The following LRTM3 variants were observed in gnomAD, a reference collection of about 807,000 sequenced individuals.
LRTM3 encodes leucine rich repeat transmembrane protein 3.
the LRTM3 span, chr13:102,732,674 G>A: frequency 2.3e-5 from 35 of 1,551,068 alleles, no homozygotes; most frequent in East Asian, 4.9e-5. Context: ...TAGAAGATGC[G>A]GGTGTGCACT....
the LRTM3 span, chr13:102,742,306 A>G: frequency 1.9e-6 from 3 of 1,549,934 alleles, no homozygotes; most frequent in Non-Finnish European, 2.6e-6. Context: ...TATGCATAGT[A>G]CTTTCCACAT....
chr13:102,755,352 T>C, the LRTM3 span, among the ~76,000 whole-genome samples: 1 of 152,142 alleles, frequency 6.6e-6, no homozygotes, highest in Non-Finnish European at 1.5e-5. Context: ...AAATAATTTA[T>C]TAAGATGCTG....
the LRTM3 span, chr13:102,747,702 C>T: frequency 2.3e-4 from 364 of 1,551,046 alleles, no homozygotes; most frequent in East Asian, 6.1e-4. Flanking sequence ...TTTGGATCTC[C>T]GGCACTCTCT....
the LRTM3 span, chr13:102,743,573 T>C: frequency 6.4e-4 from 991 of 1,549,812 alleles, 2 homozygotes; most frequent in Non-Finnish European, 8.4e-4. Context: ...TGTGTTTATC[T>C]GGTTTTTAGA....
At chr13:102,730,477 A>G in the LRTM3 span, 6 of 1,551,374 alleles carry the variant, frequency 3.9e-6, no homozygotes, top group Non-Finnish European at 5.2e-6. Context: ...ATTCACATGT[A>G]TTTCTTTCTT....
chr13:102,730,566 T>C, the LRTM3 span: 2 of 1,551,978 alleles, frequency 1.3e-6, no homozygotes, highest in Non-Finnish European at 1.7e-6. Context: ...GTATCTTTCT[T>C]CCTCGGGCTG....
the LRTM3 span, chr13:102,748,699 A>G: frequency 6.5e-7 from 1 of 1,549,970 alleles, no homozygotes; most frequent in Non-Finnish European, 8.7e-7. Flanking sequence ...ATTCTGTAAT[A>G]CCAATTCCCT....
chr13:102,741,133 T>C, the LRTM3 span: 2 of 1,549,216 alleles, frequency 1.3e-6, no homozygotes, highest in South Asian at 1.2e-5. Flanking sequence ...GAATATTCTC[T>C]TTATTCTGAT....
At chr13:102,737,518 AC>A in the LRTM3 span, 5 of 1,548,604 alleles carry the variant, frequency 3.2e-6, no homozygotes, top group Non-Finnish European at 3.5e-6. Flanking sequence ...CTTGCTCCTC[AC>A]CTTCTCCGTC....
At chr13:102,736,972 G>A in the LRTM3 span, 1 of 1,551,022 alleles carries the variant, frequency 6.4e-7, no homozygotes, top group African/African-American at 1.4e-5. Flanking sequence ...CTAATTTACA[G>A]TGAGATAGAG....
the LRTM3 span, chr13:102,736,206 T>C: frequency 6.5e-6 from 10 of 1,548,546 alleles, no homozygotes; most frequent in African/African-American, 1.4e-5. Flanking sequence ...AGAGAAGGCA[T>C]GAATGGATGA....
chr13:102,752,857 G>T, the LRTM3 span, among the ~76,000 whole-genome samples: 2,489 of 152,254 alleles, frequency 0.016, 85 homozygotes, highest in African/African-American at 0.057. Flanking sequence ...ATCAAAAGAT[G>T]ATTAAATTAA....
the LRTM3 span, among the ~76,000 whole-genome samples, chr13:102,753,652 C>T: frequency 2.0e-5 from 3 of 152,146 alleles, no homozygotes; most frequent in African/African-American, 7.2e-5. Context: ...TTAATGCCAC[C>T]TAATTTGTGA....
At chr13:102,736,265 C>T in the LRTM3 span, 1 of 1,550,994 alleles carries the variant, frequency 6.4e-7, no homozygotes, top group Non-Finnish European at 8.7e-7. Flanking sequence ...CTGCTTCTGT[C>T]CTGCTCTCTC....
chr13:102,747,093 C>T, the LRTM3 span: 5 of 1,550,988 alleles, frequency 3.2e-6, no homozygotes, highest in Admixed American at 9.8e-5. Context: ...ACGCCTTTTA[C>T]TTCATCTTGC....
the LRTM3 span, chr13:102,744,860 T>A: frequency 6.4e-7 from 1 of 1,550,902 alleles, no homozygotes; most frequent in Non-Finnish European, 8.7e-7. Context: ...GACAGTTGCT[T>A]GTAGATCTTT....
the LRTM3 span, chr13:102,748,390 C>A: frequency 2.6e-6 from 4 of 1,551,022 alleles, no homozygotes; most frequent in South Asian, 2.4e-5. Flanking sequence ...GGGAAATGAG[C>A]AAACCGACAT....
At chr13:102,747,958 C>A in the LRTM3 span, 1 of 1,551,194 alleles carries the variant, frequency 6.4e-7, no homozygotes, top group Non-Finnish European at 8.7e-7. Context: ...TTGCCTCTTT[C>A]TCCTGTTCCT....
At chr13:102,750,477 A>G in the LRTM3 span, 3 of 745,612 alleles carry the variant, frequency 4.0e-6, no homozygotes, top group African/African-American at 1.8e-5. Flanking sequence ...GCAGCATAGT[A>G]TATGAAAACA....
Sources: gnomAD v4.1 joint callset for allele counts (sites outside exome capture counted in the v4.1 genomes callset) on GRCh38, gnomAD v4.1.1 for gene constraint, MANE v1.5 for transcripts, NCBI Gene and HGNC (gene_info 2026-07-23, HGNC 2026-07-21) for gene names.